TSHZ2: variants seen among roughly 807,000 people sequenced by gnomAD.
The protein encoded by TSHZ2 is teashirt homolog 2.
Under a neutral mutation model 74.4 loss-of-function variants are expected in TSHZ2, and 21 were observed. The ratio of observed to expected loss-of-function variants is 0.28; its 90% CI spans 0.20 to 0.41. TSHZ2 has a LOEUF of 0.41. Ranked by LOEUF, TSHZ2 falls within the 10% of genes least tolerant of loss-of-function variation. The probability of loss-of-function intolerance (pLI) is 1.00; values close to 1 mark genes in which losing one functional copy is unlikely to be tolerated. For synonymous variants in TSHZ2, 540 were observed against 515.3 expected (o/e 1.05, Z -0.65); for missense variants, 1,244 against 1,293.5 (o/e 0.96, Z 0.59).
chr20:53,189,796 T>C (rs1988683180), intron 1 of TSHZ2, among the ~76,000 whole-genome samples: 1 of 151,908 alleles, frequency 6.6e-6, no homozygotes, highest in Non-Finnish European at 1.5e-5. Context: ...AATTCTTAAA[T>C]GTCTGGGCCA....
intron 1 of TSHZ2, among the ~76,000 whole-genome samples, chr20:53,096,315 GTAT>G (rs939206887): frequency 1.3e-5 from 2 of 151,986 alleles, no homozygotes; most frequent in African/African-American, 4.8e-5. Flanking sequence ...CTAATTTTTT[GTAT>G]TATTAGTAGA....
At chr20:53,248,742 G>A (rs1358729480) in intron 1 of TSHZ2, among the ~76,000 whole-genome samples, 2 of 152,230 alleles carry the variant, frequency 1.3e-5, no homozygotes, top group East Asian at 3.8e-4. Context: ...ATACTTAGGA[G>A]TGTAAATCCA....
chr20:53,463,732 T>C (rs1349779570), intron 2 of TSHZ2, among the ~76,000 whole-genome samples: 2 of 152,152 alleles, frequency 1.3e-5, no homozygotes, highest in African/African-American at 4.8e-5. Flanking sequence ...GGCCCAGGCA[T>C]CCACAGGTGA....
chr20:53,390,064 A>T (rs1484058184), intron 2 of TSHZ2, among the ~76,000 whole-genome samples: 1 of 152,248 alleles, frequency 6.6e-6, no homozygotes, highest in Non-Finnish European at 1.5e-5. Flanking sequence ...TAGGGTGGGG[A>T]GGCAGCAGAG....
At chr20:53,175,585 T>C (rs577272860) in intron 1 of TSHZ2, among the ~76,000 whole-genome samples, 1 of 152,330 alleles carries the variant, frequency 6.6e-6, no homozygotes, top group East Asian at 1.9e-4. Context: ...CACATTGTTA[T>C]CTTGTCTGTT....
chr20:53,015,010 A>G (rs1168990831), intron 1 of TSHZ2, among the ~76,000 whole-genome samples: 1 of 152,142 alleles, frequency 6.6e-6, no homozygotes, highest in African/African-American at 2.4e-5. Flanking sequence ...AGTGTGGAAT[A>G]GCGCCATTCC....
chr20:53,223,334 T>C (rs1327566767), intron 1 of TSHZ2, among the ~76,000 whole-genome samples: 1 of 152,212 alleles, frequency 6.6e-6, no homozygotes, highest in Non-Finnish European at 1.5e-5. Context: ...ACAAGAATTA[T>C]GCCAAGCTTT....
At chr20:53,187,724 A>G (rs2123530902) in intron 1 of TSHZ2, among the ~76,000 whole-genome samples, 1 of 149,678 alleles carries the variant, frequency 6.7e-6, no homozygotes, top group East Asian at 2.0e-4. Flanking sequence ...AGGACAGGAA[A>G]TGCTGATGGG....
intron 2 of TSHZ2, among the ~76,000 whole-genome samples, chr20:53,470,299 A>G (rs895120452): frequency 1.4e-4 from 21 of 152,242 alleles, no homozygotes; most frequent in African/African-American, 5.1e-4. Flanking sequence ...AAGAATTGAA[A>G]TTTGTCCACT....
At chr20:53,466,812 T>C (rs1450487544) in intron 2 of TSHZ2, among the ~76,000 whole-genome samples, 1 of 152,236 alleles carries the variant, frequency 6.6e-6, no homozygotes, top group African/African-American at 2.4e-5. Flanking sequence ...ACCCTTTTAA[T>C]TTATCTTTTG....
At chr20:53,215,773 C>A (rs1170690149) in intron 1 of TSHZ2, among the ~76,000 whole-genome samples, 1 of 150,328 alleles carries the variant, frequency 6.7e-6, no homozygotes, top group African/African-American at 2.5e-5. Context: ...GAGGCTGAGG[C>A]AGGAGCATAG....
At chr20:53,265,779 T>C (rs1171511691) in intron 2 of TSHZ2, among the ~76,000 whole-genome samples, 1 of 152,238 alleles carries the variant, frequency 6.6e-6, no homozygotes, top group Non-Finnish European at 1.5e-5. Flanking sequence ...ATTAATTTTG[T>C]TCTTTCTTAT....
intron 2 of TSHZ2, among the ~76,000 whole-genome samples, chr20:53,291,643 G>A (rs543425939): frequency 2.0e-5 from 3 of 152,156 alleles, no homozygotes; most frequent in African/African-American, 7.2e-5. Flanking sequence ...AGGCTACACA[G>A]TCAAGAGTTT....
intron 2 of TSHZ2, among the ~76,000 whole-genome samples, chr20:53,301,023 C>T (rs1271190133): frequency 6.6e-6 from 1 of 151,968 alleles, no homozygotes; most frequent in Non-Finnish European, 1.5e-5. Context: ...AGTGCAGTGG[C>T]AAGATCTCGG....
intron 2 of TSHZ2, among the ~76,000 whole-genome samples, chr20:53,362,383 G>A (rs534670764): frequency 2.1e-4 from 32 of 151,350 alleles, no homozygotes; most frequent in African/African-American, 7.0e-4. Context: ...ACGGGGTTTC[G>A]CTGTGTTAGC....
intron 2 of TSHZ2, among the ~76,000 whole-genome samples, chr20:53,411,697 C>A (rs58088391): frequency 1.1e-3 from 170 of 152,206 alleles, no homozygotes; most frequent in African/African-American, 3.8e-3. Flanking sequence ...GGTAGGTTGG[C>A]ACGTGCATGT....
chr20:53,051,542 T>C (rs1984470200), intron 1 of TSHZ2, among the ~76,000 whole-genome samples: 1 of 151,624 alleles, frequency 6.6e-6, no homozygotes, highest in African/African-American at 2.4e-5. Context: ...CAAGCTCTTT[T>C]GCTGTAGAGA....
intron 1 of TSHZ2, among the ~76,000 whole-genome samples, chr20:53,173,700 G>A (rs78989443): frequency 0.027 from 4,137 of 152,036 alleles, 91 homozygotes; most frequent in Middle Eastern, 0.054. Flanking sequence ...AGTCTGAACA[G>A]TTGTGTAACT....
chr20:53,278,118 T>C (rs545851258), intron 2 of TSHZ2, among the ~76,000 whole-genome samples: 1 of 152,366 alleles, frequency 6.6e-6, no homozygotes, highest in East Asian at 1.9e-4. Flanking sequence ...ATAGTCCTTC[T>C]GATCCTTATA....
Sources: gnomAD v4.1 joint callset for allele counts (sites outside exome capture counted in the v4.1 genomes callset) on GRCh38, gnomAD v4.1.1 for gene constraint, MANE v1.5 for transcripts, NCBI Gene and HGNC (gene_info 2026-07-23, HGNC 2026-07-21) for gene names.